Variants in CYSTM1 observed in about 807,000 individuals in gnomAD.
CYSTM1 encodes cysteine rich transmembrane module containing 1.
In CYSTM1, 4 loss-of-function variants were observed where a neutral mutation model predicts 13.1. The ratio of observed to expected loss-of-function variants is 0.31; its 90% CI spans 0.15 to 0.70. The LOEUF (loss-of-function observed/expected upper bound fraction) is 0.70. Ranked by LOEUF, CYSTM1 falls within the 30% of genes least tolerant of loss-of-function variation. The pLI is 0.72. For missense variants in CYSTM1, 96 were observed against 121.6 expected (o/e 0.79, Z 0.99); for synonymous variants, 36 against 42.7 (o/e 0.84, Z 0.62).
At chr5:140,233,128 C>G (rs1358028777) in intron 2 of CYSTM1, among the ~76,000 whole-genome samples, 2 of 152,130 alleles carry the variant, frequency 1.3e-5, no homozygotes, top group African/African-American at 2.4e-5. Context: ...GTGGTTGAGG[C>G]AAAGAGGAAC....
chr5:140,216,407 T>C (rs955102896), intron 2 of CYSTM1, among the ~76,000 whole-genome samples: 4 of 152,146 alleles, frequency 2.6e-5, no homozygotes, highest in African/African-American at 9.7e-5. Flanking sequence ...AGCTAGACCT[T>C]TGGGGATACA....
At chr5:140,228,882 T>TA in intron 2 of CYSTM1, 1 of 398,656 alleles carries the variant, frequency 2.5e-6, no homozygotes, top group Non-Finnish European at 4.4e-6. Context: ...TACCTCCTGT[T>TA]ACAGGAATAA....
intron 2 of CYSTM1, among the ~76,000 whole-genome samples, chr5:140,220,193 C>T (rs1444709441): frequency 6.6e-6 from 1 of 152,204 alleles, no homozygotes; most frequent in Non-Finnish European, 1.5e-5. Context: ...TGCTGCTCAG[C>T]AGGGTATGAA....
chr5:140,181,121 A>G lies in CYSTM1; in HGVS notation c.-21+5836A>G, dbSNP rs1763956028. 2.0e-5 allele frequency among the ~76,000 whole-genome samples: 3 copies of G among 152,244 alleles called. No homozygotes were observed. The South Asian group carries it at 6.2e-4, about 31-fold the overall frequency. Reference sequence around the variant, plus strand: ...AGACTTCTGCCACGTTAAACGTTTAATGCTGCACGCAGTACTTTACTGGTC... The same window carrying G: ...AGACTTCTGCCACGTTAAACGTTTAGTGCTGCACGCAGTACTTTACTGGTC... On this transcript the variant is annotated intron_variant, in intron 1 of 2. Transcript: ENST00000261811.
At position 140,184,932 on chromosome 5, in the gene CYSTM1, A is replaced by G. The variant is rs59275619; in HGVS notation, c.-20-9514A>G. ...ATTCTGAACTATGGATAATTAATGT[A>G]GGTATGGTATGACTTTTCAGAATTT... On this transcript the variant is annotated intron_variant, in intron 1 of 2. Coordinates refer to ENST00000261811, the MANE Select transcript of CYSTM1 (RefSeq NM_032412.4). Among the ~76,000 whole-genome samples, 1,448 of 152,342 alleles carry G rather than the reference A, an allele frequency of 9.5e-3. 17 individuals are homozygous for G. The highest frequency in any genetic ancestry group is 0.031 in the African/African-American group (1,271 of 41,578).
chr5:140,212,983 G>GGGTATATATATATATATATA (rs1554132965), intron 2 of CYSTM1, among the ~76,000 whole-genome samples: 1 of 114,294 alleles, frequency 8.7e-6, no homozygotes, highest in Non-Finnish European at 1.8e-5. Context: ...CAAAACAAAA[G>GGGTATATATATATATATATA]TATATATATA....
chr5:140,180,033 G>A (rs560450392), intron 1 of CYSTM1, among the ~76,000 whole-genome samples: 1 of 152,134 alleles, frequency 6.6e-6, no homozygotes, highest in Non-Finnish European at 1.5e-5. Context: ...GAGTAAACCA[G>A]TAACAGAAGG....
chr5:140,222,350 G>A (rs1411059294), intron 2 of CYSTM1, among the ~76,000 whole-genome samples: 1 of 152,244 alleles, frequency 6.6e-6, no homozygotes, highest in Non-Finnish European at 1.5e-5. Context: ...CCTTGGCACA[G>A]GACCGGTTTT....
chr5:140,211,328 T>A (rs1764365083), intron 2 of CYSTM1, among the ~76,000 whole-genome samples: 1 of 152,214 alleles, frequency 6.6e-6, no homozygotes, highest in Admixed American at 6.5e-5. Flanking sequence ...AACCTAGCAA[T>A]CTGATTCCAG....
intron 2 of CYSTM1, among the ~76,000 whole-genome samples, chr5:140,238,184 A>T (rs1255801604): frequency 1.3e-5 from 2 of 152,176 alleles, no homozygotes; most frequent in East Asian, 3.9e-4. Flanking sequence ...CAGGAGGAGT[A>T]GGGCAGGAAG....
intron 2 of CYSTM1, among the ~76,000 whole-genome samples, chr5:140,212,983 G>A (rs868124280): frequency 4.4e-5 from 5 of 114,298 alleles, no homozygotes; most frequent in East Asian, 2.7e-4. Context: ...CAAAACAAAA[G>A]TATATATATA....
intron 2 of CYSTM1, among the ~76,000 whole-genome samples, chr5:140,218,404 A>G (rs1163748341): frequency 2.0e-5 from 3 of 152,146 alleles, no homozygotes; most frequent in Non-Finnish European, 2.9e-5. Context: ...CTTGGGAGCA[A>G]TAGTAGCAGC....
intron 1 of CYSTM1, among the ~76,000 whole-genome samples, chr5:140,192,947 T>A (rs1286312360): frequency 2.6e-5 from 4 of 152,182 alleles, no homozygotes; most frequent in African/African-American, 9.7e-5. Flanking sequence ...ATATGGATGT[T>A]GTGTGGGCAA....
intron 2 of CYSTM1, 106 bp downstream of exon 2, chr5:140,194,758 G>T (rs1363567714): frequency 3.6e-6 from 5 of 1,378,042 alleles, no homozygotes; most frequent in Non-Finnish European, 3.9e-6. Context: ...TGCAACTTGT[G>T]CTTGATGTCC....
rs1262090172 is a variant in CYSTM1, at chr5:140,205,759, AGGGATGGATAGGGGTG to A, written c.187+11112_187+11127del. 2.0e-5 allele frequency among the ~76,000 whole-genome samples: 3 copies of A among 152,244 alleles called. No individual in the cohort carries two copies. The East Asian group carries it at 5.8e-4, about 29-fold the overall frequency. On this transcript the variant is annotated intron_variant, in intron 2 of 2. Transcript: ENST00000261811. Reference sequence around the variant, plus strand: ...ACACAAATTTTCTGAATTTTTGCTTAGGGATGGATAGGGGTGGGGAAGACAAAGCTCTCTGGAAAGC... The same window carrying A: ...ACACAAATTTTCTGAATTTTTGCTTAGGGAAGACAAAGCTCTCTGGAAAGC...
At chr5:140,226,737 G>A (rs1764561663) in intron 2 of CYSTM1, among the ~76,000 whole-genome samples, 1 of 146,208 alleles carries the variant, frequency 6.8e-6, no homozygotes, top group Admixed American at 7.0e-5. Flanking sequence ...TTGTACTCCA[G>A]CCTGGGCAAC....
chr5:140,179,186 G>C (rs1763928482), intron 1 of CYSTM1, among the ~76,000 whole-genome samples: 1 of 151,878 alleles, frequency 6.6e-6, no homozygotes, highest in African/African-American at 2.4e-5. Flanking sequence ...CTGGAGCCCA[G>C]GAGTTTGAGG....
In CYSTM1 at chr5:140,191,809, A is replaced by G. The variant is rs543728795; in HGVS notation, c.-20-2637A>G. On this transcript the variant is annotated intron_variant, in intron 1 of 2. Coordinates refer to ENST00000261811, the MANE Select transcript of CYSTM1 (RefSeq NM_032412.4). ...TCTGTGATTTAAAAATAAATAATGGAATGGCCATATGGGGATTAATGAGAC... is the reference window on the plus strand; with the variant it reads ...TCTGTGATTTAAAAATAAATAATGGGATGGCCATATGGGGATTAATGAGAC... 9.9e-5 allele frequency among the ~76,000 whole-genome samples: 15 copies of G among 152,268 alleles called. No individual in the cohort carries two copies. The East Asian group carries it at 2.5e-3, about 25-fold the overall frequency.
At chr5:140,185,919 A>G (rs904174635) in intron 1 of CYSTM1, among the ~76,000 whole-genome samples, 1 of 152,218 alleles carries the variant, frequency 6.6e-6, no homozygotes, top group Non-Finnish European at 1.5e-5. Context: ...GCTTCTACTT[A>G]TACTTCAGTT....
Sources: gnomAD v4.1 joint callset for allele counts (sites outside exome capture counted in the v4.1 genomes callset) on GRCh38, gnomAD v4.1.1 for gene constraint, MANE v1.5 for transcripts, NCBI Gene and HGNC (gene_info 2026-07-23, HGNC 2026-07-21) for gene names.